Variants in HADH observed in about 807,000 individuals in gnomAD.
HADH encodes hydroxyacyl-CoA dehydrogenase.
Under a neutral mutation model 32.2 loss-of-function variants are expected in HADH, and 24 were observed. That is an observed-to-expected ratio of 0.75 (90% confidence interval 0.54 to 1.05). The LOEUF is 1.05. Ranked by LOEUF, HADH falls within the 50% of genes least tolerant of loss-of-function variation. The pLI, the probability that HADH is intolerant of heterozygous loss-of-function variation, is 0.00. For missense variants in HADH, 350 were observed against 397.1 expected (o/e 0.88, Z 1.01); for synonymous variants, 139 against 152.5 (o/e 0.91, Z 0.65).
At chr4:108,004,977 G>A in intron 1 of HADH, 3 of 1,238,946 alleles carry the variant, frequency 2.4e-6, no homozygotes, top group South Asian at 1.3e-5. Context: ...AATGTTAAAC[G>A]AAGTGATAAT....
chr4:108,013,090 G>A (rs1340979698), intron 2 of HADH, among the ~76,000 whole-genome samples: 2 of 152,130 alleles, frequency 1.3e-5, no homozygotes, highest in Non-Finnish European at 2.9e-5. Flanking sequence ...CCGCTACCAC[G>A]CCCAGCAAAT....
At position 108,019,765 on chromosome 4, in the gene HADH, G is replaced by A. The variant is rs559290031; in HGVS notation, c.546+99G>A. On this transcript the variant is annotated intron_variant, in intron 4 of 7. Transcript: ENST00000309522. The stretch of plus-strand genomic sequence containing the variant: ...AGCCCTGCCACCAGTTGCCTAGGAT[G>A]GGTTTTAACCTGAGGGTAGAAGGTT... 18 of 1,421,006 alleles carry A rather than the reference G, an allele frequency of 1.3e-5. No homozygotes were observed. In the East Asian group the frequency reaches 3.9e-4, roughly 31 times the overall value. The allele number at this position is 1,421,006 out of a possible 1,614,324, so 88.0% of individuals were successfully genotyped here.
intron 1 of HADH, among the ~76,000 whole-genome samples, chr4:107,995,346 C>CTAAT (rs780422404): frequency 3.9e-5 from 6 of 152,122 alleles, no homozygotes; most frequent in Non-Finnish European, 8.8e-5. Context: ...GTTAAATGAA[C>CTAAT]TAATATACAA....
chr4:108,022,201 A>ATGTGTGTGTGTGTGTGTG (rs56746496), intron 4 of HADH, among the ~76,000 whole-genome samples: 2 of 139,658 alleles, frequency 1.4e-5, no homozygotes, highest in African/African-American at 5.5e-5. Context: ...GTGTGTGTGT[A>ATGTGTGTGTGTGTGTGTG]TGTGTGTGTG....
chr4:108,016,093 C>A (rs1428767601), intron 3 of HADH, among the ~76,000 whole-genome samples: 1 of 152,158 alleles, frequency 6.6e-6, no homozygotes, highest in Non-Finnish European at 1.5e-5. Flanking sequence ...GACTTCTTAG[C>A]TGGCTGGCTT....
intron 1 of HADH, among the ~76,000 whole-genome samples, chr4:108,003,186 A>G (rs1735173384): frequency 6.8e-6 from 1 of 146,870 alleles, no homozygotes; most frequent in Non-Finnish European, 1.5e-5. Context: ...TTATTTTCTC[A>G]TAGTTCTGGA....
intron 3 of HADH, among the ~76,000 whole-genome samples, chr4:108,019,090 T>C (rs1304263773): frequency 6.6e-6 from 1 of 152,176 alleles, no homozygotes; most frequent in Non-Finnish European, 1.5e-5. Context: ...ATGTTTCTGA[T>C]TGAGGATTTA....
intron 6 of HADH, chr4:108,031,794 A>C (rs1736272547): frequency 1.3e-5 from 2 of 152,304 alleles, no homozygotes; most frequent in African/African-American, 4.8e-5. Flanking sequence ...TGTCTGGTTT[A>C]TCTTTGTCTC....
chr4:108,031,722 T>C (rs1403752454), intron 6 of HADH: 2 of 152,176 alleles, frequency 1.3e-5, no homozygotes, highest in Non-Finnish European at 2.9e-5. Context: ...GGTCTTATTA[T>C]GTTGAAGTTT....
At chr4:108,020,331 G>A (rs1001938307) in intron 4 of HADH, among the ~76,000 whole-genome samples, 1 of 152,148 alleles carries the variant, frequency 6.6e-6, no homozygotes, top group Non-Finnish European at 1.5e-5. Context: ...TCAGCCAGGG[G>A]TTTTGGTGCA....
intron 1 of HADH, among the ~76,000 whole-genome samples, chr4:108,002,342 A>G (rs569933929): frequency 3.3e-5 from 5 of 152,230 alleles, no homozygotes; most frequent in Admixed American, 1.3e-4. Flanking sequence ...CATGAATCCT[A>G]TTGTGAACTG....
intron 2 of HADH, among the ~76,000 whole-genome samples, chr4:108,013,244 T>C (rs1476585205): frequency 6.6e-6 from 1 of 152,230 alleles, no homozygotes; most frequent in Non-Finnish European, 1.5e-5. Flanking sequence ...CTGTCCCTTA[T>C]ATTCTTAATT....
chr4:108,009,168 A>T (rs1300155646), intron 1 of HADH, among the ~76,000 whole-genome samples: 2 of 152,178 alleles, frequency 1.3e-5, no homozygotes, highest in Non-Finnish European at 2.9e-5. Flanking sequence ...ATTAGAGTTT[A>T]AATTCTTACC....
intron 6 of HADH, chr4:108,032,451 G>A: frequency 1.2e-6 from 1 of 841,948 alleles, no homozygotes; most frequent in Non-Finnish European, 2.0e-6. Flanking sequence ...CCAAAAAACT[G>A]GGGGAAAGAA....
intron 3 of HADH, among the ~76,000 whole-genome samples, chr4:108,018,710 C>T (rs536289641): frequency 6.6e-6 from 1 of 152,154 alleles, no homozygotes; most frequent in South Asian, 2.1e-4. Flanking sequence ...TCCTTTCCTG[C>T]CCTGTTACAG....
intron 1 of HADH, among the ~76,000 whole-genome samples, chr4:108,006,550 A>C (rs1735299711): frequency 6.6e-6 from 1 of 152,172 alleles, no homozygotes; most frequent in Non-Finnish European, 1.5e-5. Flanking sequence ...AACCTTGGTG[A>C]GCATCAGAGT....
intron 1 of HADH, among the ~76,000 whole-genome samples, chr4:107,992,288 G>A (rs1410144860): frequency 6.6e-6 from 1 of 152,324 alleles, no homozygotes; most frequent in East Asian, 1.9e-4. Flanking sequence ...TAAAGTGGAC[G>A]ACCATAAGAA....
chr4:108,032,458 A>G, intron 6 of HADH: 1 of 775,090 alleles, frequency 1.3e-6, no homozygotes, highest in East Asian at 2.5e-5. Flanking sequence ...ACTGGGGGAA[A>G]GAATACATAC....
chr4:108,027,909 G>A, intron 6 of HADH, 149 bp downstream of exon 6: 1 of 682,298 alleles, frequency 1.5e-6, no homozygotes, highest in African/African-American at 1.8e-5. Context: ...TGCACCCTGA[G>A]CCCTGGTACC....
Sources: gnomAD v4.1 joint callset for allele counts (sites outside exome capture counted in the v4.1 genomes callset) on GRCh38, gnomAD v4.1.1 for gene constraint, MANE v1.5 for transcripts, NCBI Gene and HGNC (gene_info 2026-07-23, HGNC 2026-07-21) for gene names.